The following BNC2 variants were observed in gnomAD, a reference collection of about 807,000 sequenced individuals.
BNC2 encodes the protein zinc finger protein basonuclin-2.
In BNC2, 20 loss-of-function variants were observed where a neutral mutation model predicts 76.3. The ratio of observed to expected loss-of-function variants is 0.26; its 90% CI spans 0.18 to 0.38. The LOEUF (loss-of-function observed/expected upper bound fraction) is 0.38, where lower values mean the gene tolerates loss of function less well. Among genes scored for constraint, BNC2 ranks in the 10% least tolerant of loss-of-function variants. The pLI is 1.00. For synonymous variants in BNC2, 582 were observed against 514.8 expected, an observed-to-expected ratio of 1.13 and a Z score of -1.77; for missense variants, 1,382 against 1,399.8, an observed-to-expected ratio of 0.99 and a Z score of 0.20.
At chr9:16,761,445 T>A (rs7047761) in intron 1 of BNC2, among the ~76,000 whole-genome samples, 5,748 of 152,306 alleles carry the variant, frequency 0.038, 354 homozygotes, top group African/African-American at 0.13. Context: ...CAATTTCATA[T>A]AATTGTATTC....
chr9:16,791,489 T>A (rs929780946), intron 1 of BNC2, among the ~76,000 whole-genome samples: 1 of 152,180 alleles, frequency 6.6e-6, no homozygotes, highest in South Asian at 2.1e-4. Context: ...TATCTGCATT[T>A]AGCAAATACA....
At chr9:16,588,271 T>G (rs1819828146) in intron 3 of BNC2, among the ~76,000 whole-genome samples, 1 of 152,242 alleles carries the variant, frequency 6.6e-6, no homozygotes, top group Non-Finnish European at 1.5e-5. Context: ...TTTAAATGAT[T>G]GTTTTCTCTC....
At chr9:16,580,391 T>C (rs1215022375) in intron 4 of BNC2, among the ~76,000 whole-genome samples, 1 of 152,174 alleles carries the variant, frequency 6.6e-6, no homozygotes, top group East Asian at 1.9e-4. Flanking sequence ...AGAATTAGAA[T>C]ACATTTTGCT....
intron 3 of BNC2, among the ~76,000 whole-genome samples, chr9:16,709,730 C>T (rs1345657399): frequency 1.3e-5 from 2 of 152,088 alleles, no homozygotes; most frequent in African/African-American, 2.4e-5. Context: ...CAGGGAAAGA[C>T]TACGTTAGTA....
intron 3 of BNC2, among the ~76,000 whole-genome samples, chr9:16,692,396 C>T (rs75729623): frequency 0.025 from 3,783 of 152,280 alleles, 57 homozygotes; most frequent in Middle Eastern, 0.075. Context: ...ACCGCAATAT[C>T]TTGTAAAGTT....
chr9:16,859,182 C>CA (rs56265005), intron 1 of BNC2, among the ~76,000 whole-genome samples: 15 of 147,688 alleles, frequency 1.0e-4, no homozygotes, highest in African/African-American at 3.7e-4. Flanking sequence ...TGGTTACCAT[C>CA]AAAAAAAAAA....
At chr9:16,791,930 C>CTTTTTGTAG (rs1817521862) in intron 1 of BNC2, among the ~76,000 whole-genome samples, 2 of 152,038 alleles carry the variant, frequency 1.3e-5, no homozygotes, top group African/African-American at 4.8e-5. Context: ...TGGCAAAACT[C>CTTTTTGTAG]CATCTCTATC....
In BNC2 at chr9:16,619,802, A is replaced by G. The variant is rs575116125; in HGVS notation, c.331-36717T>C. Among the ~76,000 whole-genome samples, 3 of 152,336 alleles carry G rather than the reference A, an allele frequency of 2.0e-5. No individual in the cohort carries two copies. In the South Asian group the frequency reaches 6.2e-4, roughly 32 times the overall value. On this transcript the variant is annotated intron_variant, in intron 3 of 6. Coordinates refer to ENST00000380672, the MANE Select transcript of BNC2 (RefSeq NM_017637.6). ...AACACACTCTAAGGGCACTGTATAGATCACTGAAAAATGTGACAAAATGCA... is the reference window on the plus strand; with the variant it reads ...AACACACTCTAAGGGCACTGTATAGGTCACTGAAAAATGTGACAAAATGCA...
intron 5 of BNC2, among the ~76,000 whole-genome samples, chr9:16,505,386 C>T (rs947570646): frequency 1.3e-5 from 2 of 152,136 alleles, no homozygotes; most frequent in Admixed American, 6.5e-5. Context: ...GATGGTTACA[C>T]GATAAGGCAG....
chr9:16,770,367 G>C (rs1192214543), intron 1 of BNC2, among the ~76,000 whole-genome samples: 1 of 152,178 alleles, frequency 6.6e-6, no homozygotes, highest in African/African-American at 2.4e-5. Context: ...TAGAAAAATA[G>C]TAAGATACTT....
At chr9:16,735,134 CA>C (rs994773761) in intron 2 of BNC2, among the ~76,000 whole-genome samples, 98 of 152,170 alleles carry the variant, frequency 6.4e-4, no homozygotes, top group African/African-American at 2.2e-3. Context: ...AGGTAGTTTA[CA>C]AAATGTTAGG....
chr9:16,435,414 A>C (rs1379542999), intron 6 of BNC2, 141 bp downstream of exon 6: 8 of 1,006,786 alleles, frequency 7.9e-6, no homozygotes, highest in Non-Finnish European at 1.1e-5. Flanking sequence ...ATGGCAGCCT[A>C]GTTATCACAT....
At chr9:16,678,462 G>C (rs977214128) in intron 3 of BNC2, among the ~76,000 whole-genome samples, 2 of 150,954 alleles carry the variant, frequency 1.3e-5, no homozygotes, top group African/African-American at 4.9e-5. Context: ...TTAGAGACAG[G>C]GTTTCACCAT....
intron 3 of BNC2, among the ~76,000 whole-genome samples, chr9:16,586,601 CCTCT>C (rs4007742): frequency 7.3e-5 from 11 of 150,526 alleles, no homozygotes; most frequent in South Asian, 2.1e-4. Flanking sequence ...ACTGCTCTCT[CCTCT>C]CTCTCTCTCT....
At chr9:16,584,870 A>G (rs954362953) in intron 3 of BNC2, among the ~76,000 whole-genome samples, 1 of 152,182 alleles carries the variant, frequency 6.6e-6, no homozygotes, top group Non-Finnish European at 1.5e-5. Flanking sequence ...CAAGAACTTT[A>G]CAAATTATCT....
intron 3 of BNC2, among the ~76,000 whole-genome samples, chr9:16,608,838 A>C (rs1820456794): frequency 6.6e-6 from 1 of 152,230 alleles, no homozygotes. Context: ...AATAGGCAAA[A>C]GTCAAACTCC....
At position 16,805,472 on chromosome 9, in the gene BNC2, G is replaced by A. The variant is rs544176087; in HGVS notation, c.3+65174C>T. ...CTCCCGAGTAGCTGGGATTACAGGC[G>A]CGTGCCACCACAGCCTGGCTAATTT... On this transcript the variant is annotated intron_variant, in intron 1 of 6. Transcript: ENST00000380672. 6.1e-4 allele frequency among the ~76,000 whole-genome samples: 93 copies of A among 152,096 alleles called. No individual in the cohort carries two copies. In the South Asian group the frequency reaches 0.013, roughly 21 times the overall value.
At chr9:16,580,808 A>G (rs1474969550) in intron 4 of BNC2, among the ~76,000 whole-genome samples, 1 of 152,172 alleles carries the variant, frequency 6.6e-6, no homozygotes, top group East Asian at 1.9e-4. Flanking sequence ...TTTACTTTTA[A>G]TATGTATTAG....
At chr9:16,502,175 C>A (rs1822533025) in intron 5 of BNC2, among the ~76,000 whole-genome samples, 1 of 152,000 alleles carries the variant, frequency 6.6e-6, no homozygotes, top group South Asian at 2.1e-4. Flanking sequence ...CTAGCCTGGG[C>A]AACATGGTGA....
Sources: allele counts gnomAD v4.1 joint callset (sites outside exome capture counted in the v4.1 genomes callset), GRCh38; gene constraint gnomAD v4.1.1; transcripts MANE v1.5; gene names NCBI Gene and HGNC (gene_info 2026-07-23, HGNC 2026-07-21).